The following RALYL variants were observed in gnomAD, a reference collection of about 807,000 sequenced individuals.
RALYL encodes RALY RNA binding protein like, also known as RNA-binding Raly-like protein.
Under a neutral mutation model 35.1 loss-of-function variants are expected in RALYL, and 29 were observed. The ratio of observed to expected loss-of-function variants is 0.83; its 90% CI spans 0.61 to 1.13. The LOEUF (loss-of-function observed/expected upper bound fraction) is 1.13, where lower values mean the gene tolerates loss of function less well. Among genes scored for constraint, RALYL ranks in the 50% most tolerant of loss-of-function variants. The pLI, the probability that RALYL is intolerant of heterozygous loss-of-function variation, is 0.00. For synonymous variants in RALYL, 120 were observed against 127.6 expected (o/e 0.94, Z 0.40); for missense variants, 359 against 360.4 (o/e 1.00, Z 0.03).
intron 1 of RALYL, among the ~76,000 whole-genome samples, chr8:84,415,861 A>T (rs2044644546): frequency 6.6e-6 from 1 of 152,196 alleles, no homozygotes; most frequent in Admixed American, 6.5e-5. Context: ...TATTAACACA[A>T]ATCCTCTTCA....
intron 2 of RALYL, among the ~76,000 whole-genome samples, chr8:84,714,546 A>C (rs1336734835): frequency 1.3e-5 from 2 of 151,832 alleles, no homozygotes; most frequent in Non-Finnish European, 2.9e-5. Flanking sequence ...TACTGTCATG[A>C]ATGCAAGCAG....
chr8:84,855,721 C>A (rs1379127963), intron 5 of RALYL, among the ~76,000 whole-genome samples: 1 of 152,174 alleles, frequency 6.6e-6, no homozygotes, highest in Non-Finnish European at 1.5e-5. Context: ...AAGTTTTTAA[C>A]TTCTGCAATG....
rs548934319 is a variant in RALYL, at chr8:84,794,288, A to C, written c.333-10482A>C. Reference sequence around the variant, plus strand: ...CATCTTAAAGTGGAGTAAAAGATAAATGGCATCGGCATTCTGCAAAGAGCA... The same window carrying C: ...CATCTTAAAGTGGAGTAAAAGATAACTGGCATCGGCATTCTGCAAAGAGCA... On this transcript the variant is annotated intron_variant, in intron 3 of 8. Transcript: ENST00000521268. Among the ~76,000 whole-genome samples, 24 of 152,352 alleles carry C rather than the reference A, an allele frequency of 1.6e-4. No homozygotes were observed. The East Asian group carries it at 4.4e-3, about 28-fold the overall frequency.
intron 4 of RALYL, among the ~76,000 whole-genome samples, chr8:84,839,230 G>A (rs1832674498): frequency 2.0e-5 from 3 of 152,218 alleles, no homozygotes; most frequent in South Asian, 4.1e-4. Flanking sequence ...CAAAGAAAGG[G>A]GTGACAGACG....
At position 84,427,626 on chromosome 8, in the gene RALYL, T is replaced by G. The variant is rs147531506; in HGVS notation, c.-23-101673T>G. Among the ~76,000 whole-genome samples the G allele has an allele frequency of 1.8e-3, 277 of 152,300 alleles. 4 individuals are homozygous for G. The highest frequency in any genetic ancestry group is 0.014 in the Admixed American group (209 of 15,300). On this transcript the variant is annotated intron_variant, in intron 1 of 8. Coordinates refer to ENST00000521268, the MANE Select transcript of RALYL (RefSeq NM_173848.7). ...GCATCCTGTGCCTTAGCCATATGTA[T>G]TACTCATCTTCCCATGTCCTGTCTC...
intron 1 of RALYL, among the ~76,000 whole-genome samples, chr8:84,345,409 A>C (rs978493543): frequency 6.6e-6 from 1 of 152,074 alleles, no homozygotes; most frequent in Non-Finnish European, 1.5e-5. Context: ...GAAGTGAAAT[A>C]AAATGCTGTC....
intron 1 of RALYL, among the ~76,000 whole-genome samples, chr8:84,283,670 G>A (rs1408743555): frequency 1.3e-5 from 2 of 152,122 alleles, no homozygotes; most frequent in East Asian, 1.9e-4. Context: ...GCCACATTTA[G>A]TTGGGTTTTC....
rs1400047669 is a variant in RALYL, at chr8:84,403,523, TG to T, written c.-23-125775del. On this transcript the variant is annotated intron_variant, in intron 1 of 8. Transcript: ENST00000521268. ...GTTCTGTTCCATTGGTCTATATCTC[TG>T]TTTTTTTTTTTTTTTTTTTTTTTTT... 3.3e-4 allele frequency among the ~76,000 whole-genome samples: 38 copies of T among 116,576 alleles called. 1 individual carries two copies. Among genetic ancestry groups the T allele is most frequent in the African/African-American group, 9.7e-4 (23 of 23,764 alleles). 76.5% of individuals were successfully genotyped at this position (116,576 alleles called of 152,430 possible).
intron 6 of RALYL, among the ~76,000 whole-genome samples, chr8:84,871,238 T>A (rs1458294938): frequency 2.0e-5 from 3 of 152,190 alleles, no homozygotes; most frequent in Non-Finnish European, 4.4e-5. Flanking sequence ...CCCTGGAGAC[T>A]TCTAAGTTCC....
intron 1 of RALYL, among the ~76,000 whole-genome samples, chr8:84,261,640 T>C (rs1832330485): frequency 6.6e-6 from 1 of 151,924 alleles, no homozygotes; most frequent in African/African-American, 2.4e-5. Context: ...AAATGTTCAG[T>C]TTTTTTTCTA....
At chr8:84,836,632 T>C (rs1467195541) in intron 4 of RALYL, among the ~76,000 whole-genome samples, 1 of 152,206 alleles carries the variant, frequency 6.6e-6, no homozygotes, top group Non-Finnish European at 1.5e-5. Flanking sequence ...ATGAACAGAT[T>C]TTTGTTCACA....
intron 1 of RALYL, among the ~76,000 whole-genome samples, chr8:84,487,700 A>C (rs1222717621): frequency 6.6e-6 from 1 of 152,128 alleles, no homozygotes; most frequent in Non-Finnish European, 1.5e-5. Flanking sequence ...ATATCAAAAA[A>C]TGGACTGCAA....
rs1009754682 is a variant in RALYL, at chr8:84,849,368, A to G, written c.366-612A>G. Among the ~76,000 whole-genome samples the G allele has an allele frequency of 2.0e-5, 3 of 152,154 alleles. No homozygotes were observed. The South Asian group carries it at 6.2e-4, about 32-fold the overall frequency. On this transcript the variant is annotated intron_variant, in intron 4 of 8. Transcript: ENST00000521268. ...CACATTTCTATTCACCATTTCTATAATGAATGGGTTATTAAACCTTTCCAT... is the reference window on the plus strand; with the variant it reads ...CACATTTCTATTCACCATTTCTATAGTGAATGGGTTATTAAACCTTTCCAT...
intron 1 of RALYL, among the ~76,000 whole-genome samples, chr8:84,327,557 A>C (rs1370575868): frequency 2.0e-5 from 3 of 152,116 alleles, no homozygotes; most frequent in African/African-American, 7.2e-5. Context: ...GAACACAATC[A>C]CATCCAGTTG....
intron 1 of RALYL, among the ~76,000 whole-genome samples, chr8:84,367,009 A>G (rs936293169): frequency 1.3e-5 from 2 of 151,920 alleles, no homozygotes; most frequent in African/African-American, 4.8e-5. Context: ...GACAAACTGT[A>G]CCGTGGTGTT....
chr8:84,517,893 T>C (rs556538638), intron 1 of RALYL, among the ~76,000 whole-genome samples: 1 of 152,246 alleles, frequency 6.6e-6, no homozygotes, highest in East Asian at 1.9e-4. Context: ...TCTATCACCA[T>C]TTTTAAAATA....
chr8:84,188,075 T>G (rs1287615462), intron 1 of RALYL, among the ~76,000 whole-genome samples: 1 of 152,052 alleles, frequency 6.6e-6, no homozygotes, highest in East Asian at 1.9e-4. Context: ...CTTTTGAAAC[T>G]TTTATTTTTA....
At chr8:84,472,356 C>T (rs1035470519) in intron 1 of RALYL, among the ~76,000 whole-genome samples, 2 of 152,054 alleles carry the variant, frequency 1.3e-5, no homozygotes, top group African/African-American at 4.8e-5. Flanking sequence ...AGAGCAAAAT[C>T]CCTAGTGAGT....
chr8:84,872,575 T>TA (rs1840404007), intron 6 of RALYL: 1 of 152,188 alleles, frequency 6.6e-6, no homozygotes, highest in Admixed American at 6.6e-5. Context: ...ATTGTCATCT[T>TA]ATGTTAGTCC....
Sources: gnomAD v4.1 joint callset for allele counts (sites outside exome capture counted in the v4.1 genomes callset) on GRCh38, gnomAD v4.1.1 for gene constraint, MANE v1.5 for transcripts, NCBI Gene and HGNC (gene_info 2026-07-23, HGNC 2026-07-21) for gene names.